Variants in FAM200B observed in about 807,000 individuals in gnomAD.
FAM200B encodes zinc finger BED-type containing 11.
FAM200B carries 32 observed loss-of-function variants against 33.1 expected under a neutral mutation model. The observed-to-expected ratio is 0.97, with a 90% confidence interval of 0.73 to 1.30. The LOEUF (loss-of-function observed/expected upper bound fraction) is 1.30, where lower values mean the gene tolerates loss of function less well. FAM200B is among the 50% of genes most tolerant of loss of function. FAM200B has a pLI of 0.00. For synonymous variants in FAM200B, 240 were observed against 264.8 expected (o/e 0.91, Z 0.91); for missense variants, 741 against 754.0 (o/e 0.98, Z 0.20).
the FAM200B span, chr4:15,641,636 A>T: frequency 1.3e-5 from 6 of 449,086 alleles, no homozygotes; most frequent in South Asian, 9.3e-5. Flanking sequence ...GGCTGTAAGT[A>T]AAGTTTTGAG....
chr4:15,663,064 TAAAAG>T, the FAM200B span, among the ~76,000 whole-genome samples: 1 of 152,170 alleles, frequency 6.6e-6, no homozygotes, highest in African/African-American at 2.4e-5. Context: ...TGGGTCAAAA[TAAAAG>T]GAATGCTATT....
At chr4:15,642,680 T>C in the FAM200B span, among the ~76,000 whole-genome samples, 2 of 152,220 alleles carry the variant, frequency 1.3e-5, no homozygotes, top group Non-Finnish European at 2.9e-5. Flanking sequence ...TCCCTAAGCA[T>C]ATCCACATGG....
In FAM200B at chr4:15,687,867, A is replaced by G. The variant is rs751719895; in HGVS notation, c.890A>G (p.Asp297Gly). The G allele has an allele frequency of 1.4e-5, 21 of 1,551,234 alleles. No individual in the cohort carries two copies. The highest frequency in any genetic ancestry group is 1.8e-5 in the Non-Finnish European group (21 of 1,146,768). Residue 297 changes from aspartate to glycine, a missense_variant, in exon 2 of 2, where the codon GAT (aspartate) becomes GGT (glycine). Physicochemically the swap from Asp to Gly is moderately conservative, Grantham distance 94. Transcript: ENST00000422728. ...AAAAACTGTAAAGGAATTACAAGTG[A>G]TGGCACAGCAACCATGACTGGAAAA... ...NWKNCKGITSDGTATMTGKHS... is the reference protein window; with the variant it reads ...NWKNCKGITSGGTATMTGKHS...
the FAM200B span, among the ~76,000 whole-genome samples, chr4:15,638,946 C>T: frequency 1.7e-3 from 256 of 152,214 alleles, no homozygotes; most frequent in Non-Finnish European, 2.7e-3. Flanking sequence ...GGGTAGGTCA[C>T]CTGAGGTCGG....
Position 15,687,695 on chromosome 4 carries a change from A to G in FAM200B, c.718A>G (p.Thr240Ala), listed in dbSNP as rs751473769. The G allele has an allele frequency of 4.3e-5, 66 of 1,551,166 alleles. 2 individuals carry two copies. In the Middle Eastern group the frequency reaches 1.8e-3, roughly 43 times the overall value. Residue 240 changes from threonine to alanine, a missense_variant, in exon 2 of 2, where the codon ACA becomes GCA. Coordinates refer to ENST00000422728, the MANE Select transcript of FAM200B (RefSeq NM_001145191.2). ...DESTDIGSCT[T>A]LLVYVRYAWQ... ...AAGCACTGATATTGGAAGCTGCACAACACTTTTAGTTTATGTCAGATATGC... is the reference window on the plus strand; with the variant it reads ...AAGCACTGATATTGGAAGCTGCACAGCACTTTTAGTTTATGTCAGATATGC...
At chr4:15,640,648 CT>C in the FAM200B span, 3 of 402,844 alleles carry the variant, frequency 7.4e-6, no homozygotes, top group Non-Finnish European at 1.3e-5. Context: ...CTTGGGTTTT[CT>C]TTTTTCCCAA....
the FAM200B span, among the ~76,000 whole-genome samples, chr4:15,669,391 G>A: frequency 2.0e-5 from 3 of 152,144 alleles, no homozygotes; most frequent in Non-Finnish European, 4.4e-5. Flanking sequence ...CATCATATAT[G>A]TAGTGTTTTG....
At chr4:15,674,175 G>T in the FAM200B span, among the ~76,000 whole-genome samples, 1 of 149,686 alleles carries the variant, frequency 6.7e-6, no homozygotes, top group Non-Finnish European at 1.5e-5. Context: ...AAATACTAAA[G>T]AATGATTATG....
At chr4:15,685,435 T>G (rs774365270) in intron 1 of FAM200B, among the ~76,000 whole-genome samples, 1 of 152,152 alleles carries the variant, frequency 6.6e-6, no homozygotes, top group African/African-American at 2.4e-5. Context: ...TTGAAATAAT[T>G]TTGGCCGACT....
chr4:15,678,898 T>A (rs1307890267), upstream of FAM200B, among the ~76,000 whole-genome samples: 1 of 152,176 alleles, frequency 6.6e-6, no homozygotes, highest in East Asian at 1.9e-4. Context: ...TTGCAGATCA[T>A]CATAGCTTAA....
chr4:15,686,945 AT>A lies in FAM200B; in HGVS notation c.-29del. 1.7e-6 allele frequency: 2 copies of A among 1,158,110 alleles called. No homozygotes were observed. Among genetic ancestry groups the A allele is most frequent in the Non-Finnish European group, 2.3e-6 (2 of 858,666 alleles). 71.7% of individuals were successfully genotyped at this position (1,158,110 alleles called of 1,614,324 possible). On this transcript the variant is annotated 5_prime_UTR_variant, in exon 2 of 2. It removes the in-frame stop codon of an upstream open reading frame in the 5' UTR. Coordinates refer to ENST00000422728, the MANE Select transcript of FAM200B (RefSeq NM_001145191.2). ...TTTTTGAGTTAGTGCCAATTATAAC[AT>A]TTTAATCAAACTGGAACAAATTGCT...
chr4:15,688,755 T>A lies in FAM200B; in HGVS notation c.1778T>A (p.Leu593Ter), dbSNP rs1167610945. The change falls in exon 2 of 2, where the codon TTG becomes TAG. Residue 593 changes from leucine to a stop codon, truncating the protein, a stop_gained. Transcript: ENST00000422728. LOFTEE classifies it high-confidence loss of function. ...FWMKVKEDFPLLSRKSVLLLL... is the reference protein window; with the variant it reads ...FWMKVKEDFP ...ATGAAGGTAAAGGAAGACTTTCCAT[T>A]GTTAAGTAGAAAGAGTGTCCTGCTA... 6.4e-7 allele frequency: 1 copy of A among 1,550,628 alleles called. No homozygotes were observed. Among genetic ancestry groups the A allele is most frequent in the South Asian group, 1.2e-5 (1 of 83,980 alleles).
chr4:15,675,572 A>ATT, the FAM200B span, among the ~76,000 whole-genome samples: 28 of 96,678 alleles, frequency 2.9e-4, no homozygotes, highest in African/African-American at 5.4e-4. Context: ...CAAAACTCCT[A>ATT]TTTTTTTTTT....
At chr4:15,661,016 G>C in the FAM200B span, among the ~76,000 whole-genome samples, 1 of 151,980 alleles carries the variant, frequency 6.6e-6, no homozygotes. Context: ...GAAGGAGGTT[G>C]CAGTGAGCCT....
upstream of FAM200B, among the ~76,000 whole-genome samples, chr4:15,678,039 C>A (rs1718060152): frequency 6.6e-6 from 1 of 152,152 alleles, no homozygotes; most frequent in Non-Finnish European, 1.5e-5. Context: ...AATGATGTAT[C>A]ATTAAATGGG....
the FAM200B span, among the ~76,000 whole-genome samples, chr4:15,671,687 C>T: frequency 3.4e-4 from 52 of 152,242 alleles, no homozygotes; most frequent in African/African-American, 1.1e-3. Flanking sequence ...TTGTATGCTC[C>T]CTTCCCCTAC....
At chr4:15,642,451 G>A in the FAM200B span, among the ~76,000 whole-genome samples, 3 of 151,938 alleles carry the variant, frequency 2.0e-5, no homozygotes, top group Non-Finnish European at 2.9e-5. Context: ...GGCCAGGCTG[G>A]TCTCGAACTC....
chr4:15,647,997 A>T, the FAM200B span, among the ~76,000 whole-genome samples: 2 of 152,146 alleles, frequency 1.3e-5, no homozygotes, highest in African/African-American at 4.8e-5. Context: ...AGCTGGAACT[A>T]CAGGTGTGGT....
chr4:15,670,664 A>G, the FAM200B span, among the ~76,000 whole-genome samples: 3 of 151,830 alleles, frequency 2.0e-5, no homozygotes, highest in African/African-American at 7.3e-5. Flanking sequence ...ACACTGGGCA[A>G]TGTCAGGAGT....
Sources: gnomAD v4.1 joint callset for allele counts (sites outside exome capture counted in the v4.1 genomes callset) on GRCh38, gnomAD v4.1.1 for gene constraint, MANE v1.5 for transcripts, NCBI Gene and HGNC (gene_info 2026-07-23, HGNC 2026-07-21) for gene names.